The following ADGRA1 variants were observed in gnomAD, a reference collection of about 807,000 sequenced individuals.
ADGRA1 encodes the protein adhesion G protein-coupled receptor A1, also known as G-protein coupled receptor 123.
In ADGRA1, 12 loss-of-function variants were observed where a neutral mutation model predicts 21.3. That is an observed-to-expected ratio of 0.56 (90% CI 0.36 to 0.91). The LOEUF is 0.91. Among genes scored for constraint, ADGRA1 ranks in the 40% least tolerant of loss-of-function variants. The probability of loss-of-function intolerance (pLI) is 0.01; values close to 1 mark genes in which losing one functional copy is unlikely to be tolerated. For missense variants in ADGRA1, 790 were observed against 805.6 expected, an observed-to-expected ratio of 0.98 and a Z score of 0.23; for synonymous variants, 385 against 368.8, an observed-to-expected ratio of 1.04 and a Z score of -0.50.
intron 2 of ADGRA1, among the ~76,000 whole-genome samples, chr10:133,090,663 C>A (rs1851583533): frequency 6.6e-6 from 1 of 152,142 alleles, no homozygotes; most frequent in African/African-American, 2.4e-5. Flanking sequence ...AGCCTGGAGG[C>A]CGTGGCCAGG....
chr10:133,124,325 C>G (rs1237735443), intron 5 of ADGRA1, among the ~76,000 whole-genome samples: 1 of 152,226 alleles, frequency 6.6e-6, no homozygotes, highest in Non-Finnish European at 1.5e-5. Flanking sequence ...TGCCGTGAGT[C>G]AGCTCCCGCT....
At chr10:133,103,087 G>A (rs996438775) in intron 5 of ADGRA1, among the ~76,000 whole-genome samples, 6 of 152,048 alleles carry the variant, frequency 3.9e-5, no homozygotes, top group Non-Finnish European at 1.5e-5. Flanking sequence ...GGGCAGAGGG[G>A]GCCCTGAGGG....
intron 5 of ADGRA1, among the ~76,000 whole-genome samples, chr10:133,124,789 C>T (rs921800227): frequency 9.9e-5 from 15 of 152,232 alleles, no homozygotes; most frequent in Admixed American, 9.2e-4. Flanking sequence ...CCACGTCAGG[C>T]GGTGGATGGT....
chr10:133,092,982 G>T (rs1388882132), intron 2 of ADGRA1: 4 of 1,589,826 alleles, frequency 2.5e-6, no homozygotes, highest in Non-Finnish European at 3.4e-6. Flanking sequence ...CCTGGCCCCG[G>T]ACACCTCACC....
At chr10:133,126,109 T>C (rs1042322231) in intron 5 of ADGRA1, among the ~76,000 whole-genome samples, 4 of 152,196 alleles carry the variant, frequency 2.6e-5, no homozygotes, top group African/African-American at 9.7e-5. Flanking sequence ...GCACGGACCC[T>C]CGGCCCAAGG....
intron 5 of ADGRA1, among the ~76,000 whole-genome samples, chr10:133,121,436 C>T (rs1395689786): frequency 4.8e-5 from 7 of 144,634 alleles, no homozygotes; most frequent in South Asian, 2.3e-4. Context: ...TGTCAGTGTG[C>T]GTGTGTGCGT....
chr10:133,105,277 C>T (rs369096385), intron 5 of ADGRA1, among the ~76,000 whole-genome samples: 3 of 152,244 alleles, frequency 2.0e-5, no homozygotes, highest in Non-Finnish European at 2.9e-5. Context: ...GACAGGGCAG[C>T]GCAGCCAGCT....
intron 5 of ADGRA1, among the ~76,000 whole-genome samples, chr10:133,116,883 G>A (rs774473926): frequency 1.8e-4 from 28 of 152,190 alleles, no homozygotes; most frequent in Non-Finnish European, 3.5e-4. Flanking sequence ...AGGAACGCCA[G>A]GATAGTGTCA....
intron 2 of ADGRA1, among the ~76,000 whole-genome samples, chr10:133,090,268 C>G (rs1354578723): frequency 6.6e-6 from 1 of 152,206 alleles, no homozygotes; most frequent in African/African-American, 2.4e-5. Flanking sequence ...TGTTCGTGCA[C>G]TCTCCTCTCA....
chr10:133,113,032 G>GGT lies in ADGRA1; in HGVS notation c.401+10190_401+10191insGT, dbSNP rs1852088417. 2.7e-5 allele frequency among the ~76,000 whole-genome samples: 4 copies of GGT among 148,338 alleles called. 1 individual carries two copies. Among genetic ancestry groups the GGT allele is most frequent in the Admixed American group, 6.7e-5 (1 of 14,968 alleles). On this transcript the variant is annotated intron_variant, in intron 5 of 6. Coordinates refer to ENST00000392607, the MANE Select transcript of ADGRA1 (RefSeq NM_001083909.3). ...CAGTTATTTGGGGTCTGCGGGCCGC[G>GGT]TCAGTTATTTGGGGTCTATAAGCTG...
In ADGRA1 at chr10:133,129,924, G is replaced by T; in HGVS notation, c.*413G>T. On this transcript the variant is annotated 3_prime_UTR_variant, in exon 7 of 7. Transcript: ENST00000392607. ...CCCGAGATGCCCTGCTGCCCACGGA[G>T]TCCTGGCTTCCCCTGGTGTGGCCGG... The T allele has an allele frequency of 5.6e-6, 1 of 180,070 alleles. No individual in the cohort carries two copies. The allele number at this position is 180,070 out of a possible 1,614,324, so 11.2% of individuals were successfully genotyped here.
intron 2 of ADGRA1, among the ~76,000 whole-genome samples, chr10:133,094,106 G>A (rs983058498): frequency 2.0e-5 from 3 of 152,260 alleles, no homozygotes; most frequent in African/African-American, 7.2e-5. Context: ...GCCTGCCCTT[G>A]CCGCCTCAGT....
chr10:133,108,293 C>T (rs576508176), intron 5 of ADGRA1, among the ~76,000 whole-genome samples: 53 of 152,352 alleles, frequency 3.5e-4, no homozygotes, highest in African/African-American at 1.2e-3. Flanking sequence ...CAGAACCTGG[C>T]GTGAGCCTTT....
intron 2 of ADGRA1, chr10:133,093,013 C>T: frequency 6.3e-7 from 1 of 1,594,084 alleles, no homozygotes. Flanking sequence ...GAAGGTTCCT[C>T]AGCCAGTCGG....
In ADGRA1 at chr10:133,129,948, G is replaced by C. The variant is rs1186913626; in HGVS notation, c.*437G>C. The C allele has an allele frequency of 5.6e-6, 1 of 177,328 alleles. No individual in the cohort carries two copies. Among genetic ancestry groups the C allele is most frequent in the Admixed American group, 5.6e-5 (1 of 17,744 alleles). 11.0% of individuals were successfully genotyped at this position (177,328 alleles called of 1,614,324 possible). A position where few individuals can be genotyped will look rare whatever the true frequency, so the allele number is the denominator to read the frequency against. On this transcript the variant is annotated 3_prime_UTR_variant, in exon 7 of 7. Transcript: ENST00000392607. ...AGTCCTGGCTTCCCCTGGTGTGGCCGGGCAGGGCCGAGATCGCAGGAGGGG... is the reference window on the plus strand; with the variant it reads ...AGTCCTGGCTTCCCCTGGTGTGGCCCGGCAGGGCCGAGATCGCAGGAGGGG...
chr10:133,096,839 C>G (rs549628034), intron 2 of ADGRA1, 135 bp from the exon 3 acceptor site: 9 of 1,117,722 alleles, frequency 8.1e-6, no homozygotes, highest in Non-Finnish European at 1.1e-5. Flanking sequence ...GGCAGCCCCC[C>G]TTCCCTGAGA....
chr10:133,129,190 C>T lies in ADGRA1; in HGVS notation c.1362C>T (p.Asp454=). 6.4e-7 allele frequency: 1 copy of T among 1,550,452 alleles called. No homozygotes were observed. Among genetic ancestry groups the T allele is most frequent in the Non-Finnish European group, 8.7e-7 (1 of 1,147,018 alleles). The change falls in exon 7 of 7, where the codon GAC becomes GAT. Residue 454 remains aspartate, a synonymous_variant. Coordinates refer to ENST00000392607, the MANE Select transcript of ADGRA1 (RefSeq NM_001083909.3). ...GCAGCCCCCGCAGCTCGCGCACAGA[C>T]AGCCCCCCCAGCTCTCTGGATGGCC... The part of the protein sequence containing the change: ...LDGSPRSSRT[D]SPPSSLDGPA...
intron 2 of ADGRA1, chr10:133,093,058 A>G: frequency 2.5e-6 from 4 of 1,594,582 alleles, no homozygotes; most frequent in Non-Finnish European, 3.4e-6. Context: ...CTCACTGTGT[A>G]GGAAAGAAGG....
chr10:133,090,832 G>A (rs1478982620), intron 2 of ADGRA1, among the ~76,000 whole-genome samples: 1 of 152,214 alleles, frequency 6.6e-6, no homozygotes, highest in Non-Finnish European at 1.5e-5. Flanking sequence ...CAGGCACAAA[G>A]GCATGAGTCA....
Sources: allele counts gnomAD v4.1 joint callset (sites outside exome capture counted in the v4.1 genomes callset), GRCh38; gene constraint gnomAD v4.1.1; transcripts MANE v1.5; gene names NCBI Gene and HGNC (gene_info 2026-07-23, HGNC 2026-07-21).